Variants in MYO1E observed in about 807,000 individuals in gnomAD.
The protein encoded by MYO1E is unconventional myosin-Ie.
Under a neutral mutation model 151.1 loss-of-function variants are expected in MYO1E, and 68 were observed. The ratio of observed to expected loss-of-function variants is 0.45; its 90% CI spans 0.37 to 0.55. The LOEUF is 0.55. MYO1E is among the 20% of genes least tolerant of loss of function. MYO1E has a pLI of 0.00. For missense variants in MYO1E, 1,363 were observed against 1,389.3 expected (o/e 0.98, Z 0.30); for synonymous variants, 601 against 501.7 (o/e 1.20, Z -2.64).
At chr15:59,347,658 CAG>C (rs1360261503) in intron 1 of MYO1E, among the ~76,000 whole-genome samples, 3 of 151,978 alleles carry the variant, frequency 2.0e-5, no homozygotes, top group Non-Finnish European at 4.4e-5. Flanking sequence ...ATCAAGGAAA[CAG>C]AAGAGGCTAG....
At chr15:59,327,224 A>C (rs74017734) in intron 1 of MYO1E, among the ~76,000 whole-genome samples, 1,611 of 152,078 alleles carry the variant, frequency 0.011, 27 homozygotes, top group African/African-American at 0.037. Flanking sequence ...ATTCCCATGG[A>C]CCCACCAGTG....
chr15:59,369,613 A>G (rs1442716403), intron 1 of MYO1E, among the ~76,000 whole-genome samples: 1 of 152,192 alleles, frequency 6.6e-6, no homozygotes, highest in Non-Finnish European at 1.5e-5. Context: ...AAAGATGTGC[A>G]GGGTTTTTTT....
intron 13 of MYO1E, chr15:59,209,104 A>C (rs2079860125): frequency 3.8e-6 from 2 of 530,664 alleles, no homozygotes; most frequent in Non-Finnish European, 6.7e-6. Flanking sequence ...TCATGCACAG[A>C]TCATTATCTG....
In MYO1E at chr15:59,170,159, TAAAACAAAAC is replaced by T. The variant is rs199974292; in HGVS notation, c.2480+1728_2480+1737del. The stretch of plus-strand genomic sequence containing the variant: ...CTGGGTGACAGAGCGAGACTCTGTC[TAAAACAAAAC>T]AAAACAAAACAAAACAAAACAACCA... On this transcript the variant is annotated intron_variant, in intron 22 of 27. Transcript: ENST00000288235. Among the ~76,000 whole-genome samples the T allele has an allele frequency of 1.6e-3, 239 of 151,738 alleles. 1 individual carries two copies. The highest frequency in any genetic ancestry group is 4.6e-3 in the African/African-American group (189 of 41,236).
At position 59,342,575 on chromosome 15, in the gene MYO1E, T is replaced by C. The variant is rs144314046; in HGVS notation, c.3+29923A>G. 4.3e-4 allele frequency among the ~76,000 whole-genome samples: 66 copies of C among 152,342 alleles called. 1 individual carries two copies. The highest frequency in any genetic ancestry group is 1.5e-3 in the African/African-American group (61 of 41,578). ...TTGCTTTTTATCCATTCAGCTATTC[T>C]ATGTCTTTTGATTGCAGAGTTTAGT... On this transcript the variant is annotated intron_variant, in intron 1 of 27. Transcript: ENST00000288235.
intron 16 of MYO1E, among the ~76,000 whole-genome samples, chr15:59,199,892 A>C (rs2079790576): frequency 6.6e-6 from 1 of 152,162 alleles, no homozygotes; most frequent in African/African-American, 2.4e-5. Context: ...AGGTACTGGG[A>C]GAGACTTTTA....
chr15:59,328,364 G>C (rs1029898988), intron 1 of MYO1E, among the ~76,000 whole-genome samples: 3 of 152,002 alleles, frequency 2.0e-5, no homozygotes, highest in Non-Finnish European at 4.4e-5. Flanking sequence ...AAACCTTCAA[G>C]ACTTCTGAAA....
At chr15:59,228,526 A>G (rs1307272337) in intron 6 of MYO1E, among the ~76,000 whole-genome samples, 2 of 151,170 alleles carry the variant, frequency 1.3e-5, no homozygotes, top group African/African-American at 4.8e-5. Context: ...CAATTATTAT[A>G]TATATTTCAT....
In MYO1E at chr15:59,137,141, T is replaced by C. The variant is rs1473196704; in HGVS notation, c.*239A>G. On this transcript the variant is annotated 3_prime_UTR_variant, in exon 28 of 28. Transcript: ENST00000288235. Reference sequence around the variant, plus strand: ...AATACAATAAATAAATCTTAATGCATGGTGGTTTTGTCCTCCTGGGTTCCT... The same window carrying C: ...AATACAATAAATAAATCTTAATGCACGGTGGTTTTGTCCTCCTGGGTTCCT... The C allele has an allele frequency of 2.0e-5, 11 of 562,792 alleles. No individual in the cohort carries two copies. The highest frequency in any genetic ancestry group is 1.7e-4 in the African/African-American group (9 of 53,118). 34.9% of individuals were successfully genotyped at this position (562,792 alleles called of 1,614,324 possible). A position where few individuals can be genotyped will look rare whatever the true frequency, so the allele number is the denominator to read the frequency against.
intron 8 of MYO1E, among the ~76,000 whole-genome samples, chr15:59,223,969 C>A (rs2079971799): frequency 1.3e-5 from 2 of 152,200 alleles, no homozygotes; most frequent in Non-Finnish European, 2.9e-5. Context: ...CTTTCAACCA[C>A]AAATGTACTG....
At chr15:59,237,238 AAAAAG>A (rs1359364082) in intron 4 of MYO1E, among the ~76,000 whole-genome samples, 8 of 152,312 alleles carry the variant, frequency 5.3e-5, no homozygotes, top group African/African-American at 1.4e-4. Flanking sequence ...TGTAATTTAA[AAAAAG>A]AAAAGAAAAA....
intron 17 of MYO1E, among the ~76,000 whole-genome samples, chr15:59,192,531 G>C (rs2079740286): frequency 6.6e-6 from 1 of 152,142 alleles, no homozygotes; most frequent in Non-Finnish European, 1.5e-5. Context: ...GGGTGTGCTA[G>C]GGGGCATTGA....
At chr15:59,331,090 GTTTTATTAGAA>G (rs1200739651) in intron 1 of MYO1E, among the ~76,000 whole-genome samples, 4 of 152,176 alleles carry the variant, frequency 2.6e-5, no homozygotes, top group Non-Finnish European at 4.4e-5. Context: ...TGTAAACCAA[GTTTTATTAGAA>G]GACAGCCACG....
At chr15:59,310,619 T>C (rs887213537) in intron 1 of MYO1E, among the ~76,000 whole-genome samples, 1 of 152,160 alleles carries the variant, frequency 6.6e-6, no homozygotes, top group Non-Finnish European at 1.5e-5. Context: ...CTGATGCCCA[T>C]GCTGATTTTG....
chr15:59,227,347 C>T (rs757285413), intron 7 of MYO1E, 112 bp downstream of exon 7: 397 of 1,288,266 alleles, frequency 3.1e-4, no homozygotes, highest in South Asian at 5.1e-4. Context: ...TACATGGTAT[C>T]ATCATCAGTC....
At chr15:59,142,656 T>C (rs1007023976) in intron 26 of MYO1E, among the ~76,000 whole-genome samples, 1 of 152,240 alleles carries the variant, frequency 6.6e-6, no homozygotes, top group Non-Finnish European at 1.5e-5. Context: ...AAACCCTTCA[T>C]GGCGCCTACA....
chr15:59,223,399 G>A (rs975999970), intron 8 of MYO1E, among the ~76,000 whole-genome samples: 4 of 151,628 alleles, frequency 2.6e-5, no homozygotes, highest in African/African-American at 9.7e-5. Context: ...GGACGTTCTT[G>A]TACAACATGG....
chr15:59,219,916 G>A (rs1334804636), intron 9 of MYO1E, among the ~76,000 whole-genome samples: 1 of 152,204 alleles, frequency 6.6e-6, no homozygotes, highest in African/African-American at 2.4e-5. Context: ...AGCATTCTGA[G>A]AAACTTCTTT....
chr15:59,215,984 T>G (rs1293760626), intron 10 of MYO1E, among the ~76,000 whole-genome samples: 1 of 152,146 alleles, frequency 6.6e-6, no homozygotes, highest in Non-Finnish European at 1.5e-5. Flanking sequence ...TGACTTCTGT[T>G]TAGTATGACC....
Sources: gnomAD v4.1 joint callset for allele counts (sites outside exome capture counted in the v4.1 genomes callset) on GRCh38, gnomAD v4.1.1 for gene constraint, MANE v1.5 for transcripts, NCBI Gene and HGNC (gene_info 2026-07-23, HGNC 2026-07-21) for gene names.